Variants in ST7 observed in about 807,000 individuals in gnomAD.
ST7 encodes suppressor of tumorigenicity 7 protein.
Under a neutral mutation model 78.7 loss-of-function variants are expected in ST7, and 28 were observed. The observed-to-expected ratio is 0.36, with a 90% CI of 0.26 to 0.49. The LOEUF (loss-of-function observed/expected upper bound fraction) is 0.49, where lower values mean the gene tolerates loss of function less well. Among genes scored for constraint, ST7 ranks in the 20% least tolerant of loss-of-function variants. The pLI is 0.99. For synonymous variants in ST7, 247 were observed against 249.6 expected, an observed-to-expected ratio of 0.99 and a Z score of 0.10; for missense variants, 418 against 696.0, an observed-to-expected ratio of 0.60 and a Z score of 4.49.
rs35773173 is a variant in ST7 at position 116,967,118 on chromosome 7, C to CT, written c.151+13442dup. On this transcript the variant is annotated intron_variant, in intron 1 of 15. Coordinates refer to ENST00000323984, the MANE Select transcript of ST7 (RefSeq NM_001369598.1). Reference sequence around the variant, plus strand: ...TTGCTATTTGTGAGTTTCTATCACTCTTTTTTTTTTTTTTTGCCACTAATT... The same window carrying CT: ...TTGCTATTTGTGAGTTTCTATCACTCTTTTTTTTTTTTTTTTGCCACTAATT... Among the ~76,000 whole-genome samples, 970 of 139,432 alleles carry CT rather than the reference C, an allele frequency of 7.0e-3. 9 individuals are homozygous for CT. The highest frequency in any genetic ancestry group is 0.049 in the East Asian group (239 of 4,856). The allele number at this position is 139,432 out of a possible 152,430, so 91.5% of individuals were successfully genotyped here.
intron 13 of ST7, among the ~76,000 whole-genome samples, chr7:117,210,280 G>T (rs578157709): frequency 6.6e-6 from 1 of 152,210 alleles, no homozygotes; most frequent in African/African-American, 2.4e-5. Context: ...GTTAGGCTTC[G>T]TGCTGGACAC....
In ST7 at chr7:117,163,173, A is replaced by T. The variant is rs1807285802; in HGVS notation, c.964-7689A>T. Among the ~76,000 whole-genome samples the T allele has an allele frequency of 6.6e-5, 10 of 152,168 alleles. No individual in the cohort carries two copies. In the South Asian group the frequency reaches 2.1e-3, roughly 32 times the overall value. On this transcript the variant is annotated intron_variant, in intron 9 of 15. Transcript: ENST00000323984. ...TATGCCATGCTTTCCTTATCCATTCATCTGTTGTTGGACACCTGTGTTGAT... is the reference window on the plus strand; with the variant it reads ...TATGCCATGCTTTCCTTATCCATTCTTCTGTTGTTGGACACCTGTGTTGAT...
At chr7:117,043,732 G>A (rs1470673783) in intron 1 of ST7, among the ~76,000 whole-genome samples, 2 of 152,100 alleles carry the variant, frequency 1.3e-5, no homozygotes, top group East Asian at 1.9e-4. Flanking sequence ...TTTCATAAAC[G>A]TTACTTCAGT....
At chr7:117,020,560 T>C (rs12706136) in intron 1 of ST7, 301,742 of 1,542,868 alleles carry the variant, frequency 0.2, 31,410 homozygotes, top group South Asian at 0.22. Flanking sequence ...CTTTTTTTTT[T>C]CCCTTTTCTT....
chr7:117,046,350 C>T (rs566104164), intron 1 of ST7, among the ~76,000 whole-genome samples: 1 of 152,302 alleles, frequency 6.6e-6, no homozygotes, highest in Non-Finnish European at 1.5e-5. Context: ...TCTTGCTTTT[C>T]ACCTAAAAGA....
At chr7:117,197,067 C>T (rs1810386623) in intron 12 of ST7, among the ~76,000 whole-genome samples, 1 of 152,122 alleles carries the variant, frequency 6.6e-6, no homozygotes, top group African/African-American at 2.4e-5. Flanking sequence ...CAGGGTTGTA[C>T]TCTGTCACCC....
chr7:117,167,792 G>T (rs753662797), intron 9 of ST7, among the ~76,000 whole-genome samples: 49 of 152,256 alleles, frequency 3.2e-4, no homozygotes, highest in Middle Eastern at 3.4e-3. Context: ...AGCCAAGAGA[G>T]GCAAGTGTTT....
intron 1 of ST7, among the ~76,000 whole-genome samples, chr7:116,969,494 T>G (rs1025390541): frequency 1.2e-4 from 18 of 152,212 alleles, no homozygotes; most frequent in African/African-American, 3.9e-4. Context: ...TCACTGTTGA[T>G]ATTGACCTTG....
chr7:117,206,058 C>A (rs1791725464), intron 12 of ST7, among the ~76,000 whole-genome samples: 1 of 152,198 alleles, frequency 6.6e-6, no homozygotes, highest in Non-Finnish European at 1.5e-5. Context: ...GAGAACTGAT[C>A]TTGCCAGCCA....
intron 1 of ST7, among the ~76,000 whole-genome samples, chr7:116,990,269 T>G (rs1242660756): frequency 1.3e-5 from 2 of 152,162 alleles, no homozygotes; most frequent in Non-Finnish European, 2.9e-5. Flanking sequence ...GTAGAGTGAG[T>G]GAGTAAGTGA....
At chr7:116,975,884 A>T (rs1048442159) in intron 1 of ST7, among the ~76,000 whole-genome samples, 1 of 152,128 alleles carries the variant, frequency 6.6e-6, no homozygotes, top group Non-Finnish European at 1.5e-5. Context: ...GGGCCATATG[A>T]GCATCTTCAA....
At chr7:117,175,636 G>T (rs1269959221) in intron 10 of ST7, among the ~76,000 whole-genome samples, 3 of 152,102 alleles carry the variant, frequency 2.0e-5, no homozygotes, top group Non-Finnish European at 4.4e-5. Context: ...CCAAGCCTTG[G>T]TTTCTTTCTC....
At chr7:116,994,152 A>G (rs1455674886) in intron 1 of ST7, among the ~76,000 whole-genome samples, 1 of 152,108 alleles carries the variant, frequency 6.6e-6, no homozygotes, top group Non-Finnish European at 1.5e-5. Flanking sequence ...CCATTCCACC[A>G]ACTCCTCCTT....
In ST7 at chr7:117,144,464, C is replaced by T. The variant is rs577232163; in HGVS notation, c.963+5932C>T. 5.2e-4 allele frequency among the ~76,000 whole-genome samples: 76 copies of T among 147,200 alleles called. 2 individuals carry two copies. The South Asian group carries it at 0.014, about 27-fold the overall frequency. Reference sequence around the variant, plus strand: ...GCAGCATGATGAAACCCCATCTCTACCAAAAAAAAAAAAAAAAATTAGTTG... The same window carrying T: ...GCAGCATGATGAAACCCCATCTCTATCAAAAAAAAAAAAAAAAATTAGTTG... On this transcript the variant is annotated intron_variant, in intron 9 of 15. Coordinates refer to ENST00000323984, the MANE Select transcript of ST7 (RefSeq NM_001369598.1).
Position 117,170,993 on chromosome 7 carries a change from T to G in ST7, c.1078+17T>G, listed in dbSNP as rs771356018. ...AGTATGATGGTAAGTTCTTGGGTAT[T>G]TTTATTTACTTGACTATTCCTCTTT... On this transcript the variant is annotated intron_variant, in intron 10 of 15. Coordinates refer to ENST00000323984, the MANE Select transcript of ST7 (RefSeq NM_001369598.1). The G allele has an allele frequency of 2.0e-6, 3 of 1,506,926 alleles. No homozygotes were observed. Among genetic ancestry groups the G allele is most frequent in the Non-Finnish European group, 2.7e-6 (3 of 1,095,122 alleles). The allele number at this position is 1,506,926 out of a possible 1,614,324, so 93.3% of individuals were successfully genotyped here.
At chr7:117,180,145 C>T (rs1435327772) in intron 10 of ST7, among the ~76,000 whole-genome samples, 2 of 152,150 alleles carry the variant, frequency 1.3e-5, no homozygotes, top group Non-Finnish European at 2.9e-5. Context: ...CTCTTAACTA[C>T]AAGAAACTGA....
chr7:117,037,371 T>C (rs1379476259), intron 1 of ST7, among the ~76,000 whole-genome samples: 2 of 152,124 alleles, frequency 1.3e-5, no homozygotes, highest in Admixed American at 1.3e-4. Flanking sequence ...ATGCAATCAA[T>C]TAGAATGAGG....
intron 10 of ST7, among the ~76,000 whole-genome samples, chr7:117,183,633 T>C (rs182653458): frequency 6.6e-6 from 1 of 152,238 alleles, no homozygotes; most frequent in African/African-American, 2.4e-5. Context: ...GTAACCACTT[T>C]CCTTACCTTG....
chr7:117,089,669 T>C (rs570937406), intron 1 of ST7, among the ~76,000 whole-genome samples: 10 of 151,956 alleles, frequency 6.6e-5, no homozygotes, highest in Non-Finnish European at 1.5e-4. Flanking sequence ...CCTCTTGGGT[T>C]CAAGCGATTC....
Sources: gnomAD v4.1 joint callset for allele counts (sites outside exome capture counted in the v4.1 genomes callset) on GRCh38, gnomAD v4.1.1 for gene constraint, MANE v1.5 for transcripts, NCBI Gene and HGNC (gene_info 2026-07-23, HGNC 2026-07-21) for gene names.